FARP1: variants seen among roughly 807,000 people sequenced by gnomAD.
The protein encoded by FARP1 is FERM, ARH/RhoGEF and pleckstrin domain protein 1, also known as FERM, ARHGEF and pleckstrin domain-containing protein 1.
FARP1 carries 52 observed loss-of-function variants against 128.8 expected under a neutral mutation model. That is an observed-to-expected ratio of 0.40 (90% CI 0.32 to 0.51). The LOEUF is 0.51. Among genes scored for constraint, FARP1 ranks in the 20% least tolerant of loss-of-function variants. The pLI, the probability that FARP1 is intolerant of heterozygous loss-of-function variation, is 0.45. For synonymous variants in FARP1, 580 were observed against 551.8 expected, an observed-to-expected ratio of 1.05 and a Z score of -0.72; for missense variants, 1,333 against 1,367.9, an observed-to-expected ratio of 0.97 and a Z score of 0.40.
intron 2 of FARP1, among the ~76,000 whole-genome samples, chr13:98,252,494 T>A (rs1370083478): frequency 6.6e-6 from 1 of 152,216 alleles, no homozygotes; most frequent in Non-Finnish European, 1.5e-5. Flanking sequence ...CTTTGACTTG[T>A]ACCTCAAAGA....
rs184318236 is a variant in FARP1 at position 98,188,010 on chromosome 13, T to C, written c.-23-25210T>C. ...GGAAAAGTGTTCACATTTGCTATTT[T>C]AAGCTGGGAGAGCAAATGTTCTCAG... On this transcript the variant is annotated intron_variant, in intron 1 of 26. Transcript: ENST00000319562. Among the ~76,000 whole-genome samples, 112 of 152,340 alleles carry C rather than the reference T, an allele frequency of 7.4e-4. 1 individual carries two copies. Among genetic ancestry groups the C allele is most frequent in the Admixed American group, 6.3e-3 (97 of 15,308 alleles).
chr13:98,423,699 TCA>T (rs1891677231), intron 16 of FARP1, among the ~76,000 whole-genome samples: 1 of 152,186 alleles, frequency 6.6e-6, no homozygotes, highest in African/African-American at 2.4e-5. Context: ...TCTGTCTCCT[TCA>T]CTATAACATG....
chr13:98,435,555 G>A, intron 18 of FARP1, 21 bp from the exon 19 acceptor site: 1 of 1,599,268 alleles, frequency 6.3e-7, no homozygotes, highest in Non-Finnish European at 8.5e-7. Flanking sequence ...GCTGCAGACT[G>A]TGTATGTCTT....
chr13:98,397,366 C>G (rs1890588959), intron 13 of FARP1: 2 of 152,212 alleles, frequency 1.3e-5, no homozygotes, highest in Non-Finnish European at 1.5e-5. Context: ...CAGAGAAGGA[C>G]TGTTTTCCAG....
At chr13:98,237,304 C>CAAA (rs201944641) in intron 2 of FARP1, among the ~76,000 whole-genome samples, 1 of 123,632 alleles carries the variant, frequency 8.1e-6, no homozygotes. Flanking sequence ...AACTCCGTCT[C>CAAA]AAAAAAAAAA....
intron 1 of FARP1, among the ~76,000 whole-genome samples, chr13:98,210,703 C>T (rs1357762977): frequency 2.0e-5 from 3 of 152,138 alleles, no homozygotes; most frequent in Non-Finnish European, 2.9e-5. Flanking sequence ...GCGCCCGCCA[C>T]CACGCCTGGC....
chr13:98,436,179 A>C (rs1452216176), intron 19 of FARP1: 7 of 217,552 alleles, frequency 3.2e-5, no homozygotes, highest in Middle Eastern at 1.9e-3. Flanking sequence ...TAAAATACCA[A>C]ATCTTAGCTG....
At chr13:98,168,849 C>G (rs1877458483) in intron 1 of FARP1, among the ~76,000 whole-genome samples, 1 of 152,088 alleles carries the variant, frequency 6.6e-6, no homozygotes, top group African/African-American at 2.4e-5. Flanking sequence ...TTCAGGTGTC[C>G]TGTACTTCCT....
chr13:98,266,228 G>A (rs1325756957), intron 2 of FARP1, among the ~76,000 whole-genome samples: 2 of 152,074 alleles, frequency 1.3e-5, no homozygotes, highest in Non-Finnish European at 2.9e-5. Flanking sequence ...CATTGGCAGC[G>A]ATTTGTACAT....
intron 2 of FARP1, among the ~76,000 whole-genome samples, chr13:98,293,892 A>G (rs1381751311): frequency 6.6e-6 from 1 of 152,218 alleles, no homozygotes; most frequent in Non-Finnish European, 1.5e-5. Flanking sequence ...TATTGAGTCA[A>G]CAAATCTTTT....
chr13:98,304,255 G>T (rs1298764157), intron 2 of FARP1, among the ~76,000 whole-genome samples: 1 of 152,180 alleles, frequency 6.6e-6, no homozygotes, highest in Non-Finnish European at 1.5e-5. Flanking sequence ...GTAATGGAGT[G>T]TAGGACTTCC....
rs566963587 is a variant in FARP1, at chr13:98,326,513, C to T, written c.172-17249C>T. Reference sequence around the variant, plus strand: ...AGCACCATTTTGTTTTCTGTTTCTGCGAATCTGTTGCCTGATTTCTTTTCC... The same window carrying T: ...AGCACCATTTTGTTTTCTGTTTCTGTGAATCTGTTGCCTGATTTCTTTTCC... On this transcript the variant is annotated intron_variant, in intron 2 of 26. Coordinates refer to ENST00000319562, the MANE Select transcript of FARP1 (RefSeq NM_005766.4). Among the ~76,000 whole-genome samples, 58 of 152,276 alleles carry T rather than the reference C, an allele frequency of 3.8e-4. 1 individual carries two copies. The highest frequency in any genetic ancestry group is 1.5e-3 in the Admixed American group (23 of 15,286).
chr13:98,373,184 C>G (rs1889423401), intron 5 of FARP1, among the ~76,000 whole-genome samples: 1 of 152,110 alleles, frequency 6.6e-6, no homozygotes, highest in Non-Finnish European at 1.5e-5. Context: ...ATCTCGCAGC[C>G]CATGTGTGAT....
chr13:98,362,435 G>A (rs1226296832), intron 3 of FARP1, among the ~76,000 whole-genome samples: 1 of 152,186 alleles, frequency 6.6e-6, no homozygotes, highest in Non-Finnish European at 1.5e-5. Context: ...AGTCAAGGAC[G>A]GGTGTGAGTT....
intron 2 of FARP1, among the ~76,000 whole-genome samples, chr13:98,222,794 A>ATTTTTTT (rs34198874): frequency 8.0e-6 from 1 of 124,800 alleles, no homozygotes; most frequent in Non-Finnish European, 1.6e-5. Flanking sequence ...TGCCCAGCTA[A>ATTTTTTT]TTTTTTTTTT....
intron 2 of FARP1, among the ~76,000 whole-genome samples, chr13:98,225,905 A>G (rs1385989556): frequency 2.6e-5 from 4 of 152,204 alleles, no homozygotes; most frequent in African/African-American, 9.7e-5. Flanking sequence ...GTTTTTGTAC[A>G]TCCCTTTTAC....
chr13:98,248,274 A>G (rs1171431675), intron 2 of FARP1, among the ~76,000 whole-genome samples: 1 of 151,990 alleles, frequency 6.6e-6, no homozygotes, highest in Non-Finnish European at 1.5e-5. Context: ...ACTCTTTTCT[A>G]CTGTATTTGG....
In FARP1 at chr13:98,192,644, G is replaced by T. The variant is rs145115145; in HGVS notation, c.-23-20576G>T. On this transcript the variant is annotated intron_variant, in intron 1 of 26. Transcript: ENST00000319562. ...GACTTCAGGTGGTCCACCTGCCACA[G>T]CCTCCCAAAGTGCTGGGATTACAAG... 3.2e-3 allele frequency among the ~76,000 whole-genome samples: 480 copies of T among 152,258 alleles called. 1 individual carries two copies. Among genetic ancestry groups the T allele is most frequent in the African/African-American group, 0.011 (458 of 41,552 alleles).
intron 1 of FARP1, among the ~76,000 whole-genome samples, chr13:98,168,700 G>GT (rs907894609): frequency 2.2e-4 from 33 of 152,186 alleles, no homozygotes; most frequent in African/African-American, 7.2e-4. Context: ...TGATTTCTGT[G>GT]TTTTTTTTCC....
Sources: gnomAD v4.1 joint callset for allele counts (sites outside exome capture counted in the v4.1 genomes callset) on GRCh38, gnomAD v4.1.1 for gene constraint, MANE v1.5 for transcripts, NCBI Gene and HGNC (gene_info 2026-07-23, HGNC 2026-07-21) for gene names.